Variants in ATF7IP observed in about 807,000 individuals in gnomAD.
ATF7IP encodes activating transcription factor 7 interacting protein.
In ATF7IP, 23 loss-of-function variants were observed where a neutral mutation model predicts 106.4. The ratio of observed to expected loss-of-function variants is 0.22; its 90% CI spans 0.16 to 0.31. The LOEUF (loss-of-function observed/expected upper bound fraction) is 0.31, where lower values mean the gene tolerates loss of function less well. Ranked by LOEUF, ATF7IP falls within the 10% of genes least tolerant of loss-of-function variation. ATF7IP has a pLI of 1.00. For synonymous variants in ATF7IP, 542 were observed against 539.0 expected (o/e 1.01, Z -0.08); for missense variants, 1,334 against 1,524.3 (o/e 0.88, Z 2.08).
intron 1 of ATF7IP, among the ~76,000 whole-genome samples, chr12:14,373,476 A>G (rs1358413406): frequency 1.3e-5 from 2 of 152,202 alleles, no homozygotes; most frequent in Non-Finnish European, 2.9e-5. Flanking sequence ...TTTTGAGAGC[A>G]TGATATGGAA....
chr12:14,502,029 T>C lies in ATF7IP; in HGVS notation c.*3956T>C, dbSNP rs1008222619. 2 of 152,238 alleles carry C rather than the reference T, an allele frequency of 1.3e-5. No individual in the cohort carries two copies. The highest frequency in any genetic ancestry group is 4.8e-5 in the African/African-American group (2 of 41,466). 9.4% of individuals were successfully genotyped at this position (152,238 alleles called of 1,614,324 possible). A position where few individuals can be genotyped will look rare whatever the true frequency, so the allele number is the denominator to read the frequency against. On this transcript the variant is annotated 3_prime_UTR_variant, in exon 15 of 15. Transcript: ENST00000261168. ...CTGTGATTTTAGCACAGTAAGGTAC[T>C]GCAAAGACCTTCCTTCCAAATGTTC...
Position 14,497,664 on chromosome 12 carries a change from G to T in ATF7IP, c.3404G>T (p.Arg1135Leu), listed in dbSNP as rs773722268. ...RPPQVHTEPP[R>L]PVHPAPLPEA... ...GACCTGTTTCTTCAGGAGCCCCCAC[G>T]CCCCGTGCACCCAGCACCCTTACCA... Residue 1135 changes from arginine to leucine, a missense_variant, in exon 15 of 15, where the codon CGC becomes CTC. Coordinates refer to ENST00000261168, the MANE Select transcript of ATF7IP (RefSeq NM_018179.5). The T allele has an allele frequency of 2.5e-6, 4 of 1,612,580 alleles. No individual in the cohort carries two copies. Among genetic ancestry groups the T allele is most frequent in the Non-Finnish European group, 3.4e-6 (4 of 1,178,990 alleles).
At chr12:14,492,581 C>G (rs996795183) in intron 13 of ATF7IP, among the ~76,000 whole-genome samples, 2 of 152,098 alleles carry the variant, frequency 1.3e-5, no homozygotes, top group African/African-American at 4.8e-5. Flanking sequence ...GACCTAGAAG[C>G]TTTCTGGTTG....
chr12:14,462,602 C>T (rs1412253702), intron 9 of ATF7IP, among the ~76,000 whole-genome samples: 1 of 152,022 alleles, frequency 6.6e-6, no homozygotes, highest in Non-Finnish European at 1.5e-5. Flanking sequence ...ACTCCAAACA[C>T]TTCTAAAAGT....
At chr12:14,496,799 G>A (rs1945024881) in intron 14 of ATF7IP, among the ~76,000 whole-genome samples, 1 of 152,132 alleles carries the variant, frequency 6.6e-6, no homozygotes, top group Non-Finnish European at 1.5e-5. Flanking sequence ...TTTCTCCTTA[G>A]ATTTAGCCTC....
chr12:14,446,859 T>G, intron 5 of ATF7IP, 129 bp from the exon 6 acceptor site: 1 of 596,724 alleles, frequency 1.7e-6, no homozygotes, highest in Non-Finnish European at 2.7e-6. Flanking sequence ...TTAATTTATT[T>G]TCTTTACTCA....
At chr12:14,378,522 T>C (rs1415277654) in intron 1 of ATF7IP, among the ~76,000 whole-genome samples, 10 of 152,240 alleles carry the variant, frequency 6.6e-5, no homozygotes, top group Non-Finnish European at 1.3e-4. Flanking sequence ...GGAAAGATAT[T>C]ACTATTTCTA....
At chr12:14,408,456 T>A (rs1301129320) in intron 1 of ATF7IP, 1 of 152,184 alleles carries the variant, frequency 6.6e-6, no homozygotes, top group East Asian at 1.9e-4. Flanking sequence ...CTGCTTTTAT[T>A]AGCCAACCAC....
chr12:14,385,692 A>G (rs1211723584), intron 1 of ATF7IP, among the ~76,000 whole-genome samples: 1 of 151,958 alleles, frequency 6.6e-6, no homozygotes, highest in Non-Finnish European at 1.5e-5. Flanking sequence ...TGTGTAGGCT[A>G]TTTTAGTGTG....
chr12:14,370,039 A>G (rs1247197771), intron 1 of ATF7IP, among the ~76,000 whole-genome samples: 5 of 151,946 alleles, frequency 3.3e-5, no homozygotes, highest in Admixed American at 2.0e-4. Context: ...CCAGGTTCAA[A>G]TGATTCTCCT....
intron 2 of ATF7IP, among the ~76,000 whole-genome samples, chr12:14,430,941 A>T (rs1037531942): frequency 2.6e-5 from 4 of 152,242 alleles, no homozygotes; most frequent in African/African-American, 9.6e-5. Flanking sequence ...CACAAGATTG[A>T]AAATATCTAT....
At chr12:14,373,378 G>A (rs1004728114) in intron 1 of ATF7IP, among the ~76,000 whole-genome samples, 7 of 152,130 alleles carry the variant, frequency 4.6e-5, no homozygotes, top group African/African-American at 1.7e-4. Context: ...TTAACATATG[G>A]CTTCCATCAC....
rs1591747363 is a variant in ATF7IP at position 14,368,906 on chromosome 12, GTA to G, written c.-8+3083_-8+3084del. Among the ~76,000 whole-genome samples the G allele has an allele frequency of 4.0e-5, 6 of 150,474 alleles. No individual in the cohort carries two copies. The East Asian group carries it at 1.2e-3, about 29-fold the overall frequency. On this transcript the variant is annotated intron_variant, in intron 1 of 14. Transcript: ENST00000261168. ...ATTACCTTTTAAGTGGTTTATGATT[GTA>G]TATGTTAAGAAGTTTTGCATTTTTA...
chr12:14,373,515 T>C (rs947573275), intron 1 of ATF7IP, among the ~76,000 whole-genome samples: 4 of 152,210 alleles, frequency 2.6e-5, no homozygotes, highest in African/African-American at 9.6e-5. Context: ...ACTCATGGTT[T>C]ATGTGTGATC....
At chr12:14,493,213 T>C (rs746728511) in intron 13 of ATF7IP, among the ~76,000 whole-genome samples, 4 of 152,196 alleles carry the variant, frequency 2.6e-5, no homozygotes, top group Non-Finnish European at 5.9e-5. Context: ...TCCAACTTTG[T>C]TCCTTCCACC....
In ATF7IP at chr12:14,494,317, A is replaced by G. The variant is rs868427046; in HGVS notation, c.3281-1914A>G. Among the ~76,000 whole-genome samples, 494 of 99,944 alleles carry G rather than the reference A, an allele frequency of 4.9e-3. 25 individuals carry two copies. The highest frequency in any genetic ancestry group is 0.023 in the African/African-American group (484 of 21,354). The allele number at this position is 99,944 out of a possible 152,430, so 65.6% of individuals were successfully genotyped here. ...TATATATATATATATATATATATAT[A>G]TATATATATATATATATGTGTGTGT... On this transcript the variant is annotated intron_variant, in intron 13 of 14. Coordinates refer to ENST00000261168, the MANE Select transcript of ATF7IP (RefSeq NM_018179.5).
chr12:14,391,870 C>T (rs1406785274), intron 1 of ATF7IP, among the ~76,000 whole-genome samples: 6 of 152,182 alleles, frequency 3.9e-5, no homozygotes, highest in South Asian at 2.1e-4. Context: ...TATAGGCGTG[C>T]GCCACCATGC....
chr12:14,474,078 T>G (rs116562224), intron 10 of ATF7IP, among the ~76,000 whole-genome samples: 2,108 of 152,056 alleles, frequency 0.014, 64 homozygotes, highest in African/African-American at 0.048. Flanking sequence ...AAGTTTTTGG[T>G]TATTATTCAA....
chr12:14,433,641 G>T (rs148766069), intron 2 of ATF7IP, among the ~76,000 whole-genome samples: 2,076 of 151,584 alleles, frequency 0.014, 62 homozygotes, highest in African/African-American at 0.048. Context: ...CTGCACTCCA[G>T]CCTGGGCGAC....
Sources: allele counts gnomAD v4.1 joint callset (sites outside exome capture counted in the v4.1 genomes callset), GRCh38; gene constraint gnomAD v4.1.1; transcripts MANE v1.5; gene names NCBI Gene and HGNC (gene_info 2026-07-23, HGNC 2026-07-21).